The following CHAF1A variants were observed in gnomAD, a reference collection of about 807,000 sequenced individuals.
The protein encoded by CHAF1A is CAF-1 subunit A.
CHAF1A carries 5 observed loss-of-function variants against 93.2 expected under a neutral mutation model. The observed-to-expected ratio is 0.05, with a 90% CI of 0.03 to 0.11. CHAF1A has a LOEUF of 0.11. Ranked by LOEUF, CHAF1A falls within the 10% of genes least tolerant of loss-of-function variation. The pLI is 1.00. For synonymous variants in CHAF1A, 504 were observed against 510.3 expected (o/e 0.99, Z 0.17); for missense variants, 1,102 against 1,259.9 (o/e 0.87, Z 1.90).
At position 4,423,845 on chromosome 19, in the gene CHAF1A, C is replaced by A; in HGVS notation, c.1348C>A (p.Gln450Lys). 6.2e-7 allele frequency: 1 copy of A among 1,614,126 alleles called. No individual in the cohort carries two copies. Among genetic ancestry groups the A allele is most frequent in the Non-Finnish European group, 8.5e-7 (1 of 1,179,980 alleles). The stretch of plus-strand genomic sequence containing the variant: ...GAAGGCCGAAATCACGAGGTTCTTC[C>A]AGAAACCAAAGACTCCACAGGCCCC... Reference protein sequence around the residue: ...AEKAEITRFFQKPKTPQAPKT... With the variant: ...AEKAEITRFFKKPKTPQAPKT... The change falls in exon 7 of 15, where the codon CAG becomes AAG. Residue 450 changes from glutamine to lysine, a missense_variant. This residue lies in a region of CHAF1A where 165 missense variants were observed against 243.9 expected (regional missense o/e 0.68). Coordinates refer to ENST00000301280, the MANE Select transcript of CHAF1A (RefSeq NM_005483.3).
rs192396725 is a variant in CHAF1A at position 4,434,208 on chromosome 19, C to T, written c.2673+669C>T. Among the ~76,000 whole-genome samples the T allele has an allele frequency of 3.3e-5, 5 of 152,096 alleles. No individual in the cohort carries two copies. The East Asian group carries it at 7.8e-4, about 24-fold the overall frequency. ...AGAAAAAATTTTTAGATTAGCCAAG[C>T]GGTGGCATGCACCTGTAGTCTCAGC... On this transcript the variant is annotated intron_variant, in intron 13 of 14. Coordinates refer to ENST00000301280, the MANE Select transcript of CHAF1A (RefSeq NM_005483.3).
At chr19:4,429,330 G>T in intron 8 of CHAF1A, 108 bp from the exon 9 acceptor site, 3 of 1,268,984 alleles carry the variant, frequency 2.4e-6, no homozygotes, top group Non-Finnish European at 2.2e-6. Flanking sequence ...TTTAACAAAT[G>T]CCCATCTTTC....
intron 6 of CHAF1A, 26 bp from the exon 7 acceptor site, chr19:4,423,778 TTC>T (rs1200488553): frequency 6.2e-7 from 1 of 1,607,342 alleles, no homozygotes. Context: ...CCTCTCCTCT[TTC>T]TCATCACCAT....
chr19:4,436,088 G>A (rs191073561), intron 13 of CHAF1A, among the ~76,000 whole-genome samples: 8 of 151,802 alleles, frequency 5.3e-5, no homozygotes, highest in East Asian at 1.9e-4. Context: ...GCAGTGAGCC[G>A]AGACCACACC....
intron 4 of CHAF1A, among the ~76,000 whole-genome samples, chr19:4,419,785 C>A (rs1242526823): frequency 6.6e-6 from 1 of 152,168 alleles, no homozygotes; most frequent in Non-Finnish European, 1.5e-5. Flanking sequence ...ACTTTTAAAG[C>A]TCATTGGAAC....
At chr19:4,434,804 A>G (rs1013140013) in intron 13 of CHAF1A, among the ~76,000 whole-genome samples, 1 of 152,152 alleles carries the variant, frequency 6.6e-6, no homozygotes, top group Non-Finnish European at 1.5e-5. Flanking sequence ...AGACACAGGT[A>G]TATGCAGAAC....
At chr19:4,424,244 G>A (rs1974041433) in intron 7 of CHAF1A, among the ~76,000 whole-genome samples, 1 of 152,136 alleles carries the variant, frequency 6.6e-6, no homozygotes. Flanking sequence ...TCCCTGCCTG[G>A]CGTCGGTCAC....
chr19:4,448,017 G>A (rs545531999), downstream of CHAF1A: 72 of 526,012 alleles, frequency 1.4e-4, 1 homozygote, highest in South Asian at 1.2e-3. Context: ...GCCTGCCCCC[G>A]ATCCTGAGAC....
At chr19:4,403,469 C>T (rs779863254) in intron 1 of CHAF1A, among the ~76,000 whole-genome samples, 1 of 152,248 alleles carries the variant, frequency 6.6e-6, no homozygotes, top group African/African-American at 2.4e-5. Flanking sequence ...CATTACATAA[C>T]GCTTTGGCAG....
intron 1 of CHAF1A, among the ~76,000 whole-genome samples, chr19:4,404,825 A>C (rs1448259766): frequency 1.5e-5 from 2 of 131,558 alleles, no homozygotes; most frequent in African/African-American, 2.8e-5. Context: ...TCACTGCTGC[A>C]TCTGCTTTGA....
Position 4,422,166 on chromosome 19 carries a change from C to T in CHAF1A, c.1018-400C>T, listed in dbSNP as rs994353572. Among the ~76,000 whole-genome samples, 2 of 152,148 alleles carry T rather than the reference C, an allele frequency of 1.3e-5. No homozygotes were observed. Among genetic ancestry groups the T allele is most frequent in the African/African-American group, 2.4e-5 (1 of 41,414 alleles). On this transcript the variant is annotated intron_variant, in intron 4 of 14. Coordinates refer to ENST00000301280, the MANE Select transcript of CHAF1A (RefSeq NM_005483.3). The surrounding 1 kb of genome is among the most constrained non-coding windows in gnomAD (Gnocchi z 4.6). ...CTGGGATTACAGGCGCCCACCATGC[C>T]TGGCTAGTTTTTTTTAAAAATATTT...
chr19:4,433,427 G>A lies in CHAF1A; in HGVS notation c.2561G>A (p.Gly854Asp), dbSNP rs543458256. The A allele has an allele frequency of 6.2e-7, 1 of 1,610,490 alleles. No individual in the cohort carries two copies. Among genetic ancestry groups the A allele is most frequent in the African/African-American group, 1.3e-5 (1 of 74,982 alleles). ...SVPSAPKEDS[G>D]SVPSTGPSQG... The stretch of plus-strand genomic sequence containing the variant: ...CCCTCGGCCCCCAAAGAGGACAGTG[G>A]CAGCGTCCCCTCCACGGGGCCCAGC... The change falls in exon 13 of 15, where the codon GGC becomes GAC. Residue 854 changes from glycine to aspartate, a missense_variant. Transcript: ENST00000301280. The surrounding 1 kb of genome is among the most constrained non-coding windows in gnomAD (Gnocchi z 5.6).
chr19:4,418,675 A>C (rs1973937744), intron 4 of CHAF1A, among the ~76,000 whole-genome samples: 1 of 152,028 alleles, frequency 6.6e-6, no homozygotes. Flanking sequence ...TCGGCCTCCC[A>C]GAGTGCTGGG....
chr19:4,419,325 C>T (rs567257111), intron 4 of CHAF1A, among the ~76,000 whole-genome samples: 25 of 152,260 alleles, frequency 1.6e-4, no homozygotes, highest in African/African-American at 5.5e-4. Context: ...ATGGGCTCTG[C>T]GTTTACTGAG....
downstream of CHAF1A, chr19:4,447,209 G>A: frequency 1.7e-6 from 1 of 579,136 alleles, no homozygotes; most frequent in Non-Finnish European, 3.1e-6. Flanking sequence ...CACCGCCCAG[G>A]ACCCCAGTCC....
chr19:4,411,644 C>CTTTTTTTTTGTTTTTTTTTTT (rs1973802371), intron 3 of CHAF1A, among the ~76,000 whole-genome samples: 1 of 48,204 alleles, frequency 2.1e-5, no homozygotes, highest in Admixed American at 2.5e-4. Flanking sequence ...TGGTGCAAAT[C>CTTTTTTTTTGTTTTTTTTTTT]TTTTTTTTTT....
At position 4,433,193 on chromosome 19, in the gene CHAF1A, C is replaced by T; in HGVS notation, c.2327C>T (p.Pro776Leu). 6.2e-7 allele frequency: 1 copy of T among 1,613,794 alleles called. No individual in the cohort carries two copies. Among genetic ancestry groups the T allele is most frequent in the Non-Finnish European group, 8.5e-7 (1 of 1,179,934 alleles). The change falls in exon 13 of 15, where the codon CCC (proline) becomes CTC (leucine). Residue 776 changes from proline to leucine, a missense_variant. Physicochemically the swap from Pro to Leu is moderately conservative, Grantham distance 98. Around this residue, in one of 6 missense-constraint regions of CHAF1A, gnomAD observed 335 missense variants for 361.9 expected, o/e 0.93. Transcript: ENST00000301280. This position sits in a 1 kb window ranked among gnomAD's most constrained non-coding sequence, Gnocchi z 5.6. ...LSNHTGSPRS[P>L]STTYLHTPTP... ...AACCACACCGGCAGCCCGCGGAGCCCCTCCACCACCTACCTGCACACCCCC... is the reference window on the plus strand; with the variant it reads ...AACCACACCGGCAGCCCGCGGAGCCTCTCCACCACCTACCTGCACACCCCC...
chr19:4,440,200 T>TG (rs1382595290), intron 13 of CHAF1A, among the ~76,000 whole-genome samples: 1 of 152,186 alleles, frequency 6.6e-6, no homozygotes, highest in East Asian at 1.9e-4. Context: ...CTGTCTGTCC[T>TG]GGGATGGGCT....
At chr19:4,414,969 C>G (rs546485805) in intron 3 of CHAF1A, among the ~76,000 whole-genome samples, 1 of 152,118 alleles carries the variant, frequency 6.6e-6, no homozygotes, top group East Asian at 1.9e-4. Context: ...AGTATAAAAT[C>G]AGAGTCCATA....
Sources: allele counts gnomAD v4.1 joint callset (sites outside exome capture counted in the v4.1 genomes callset), GRCh38; gene constraint gnomAD v4.1.1; regional missense constraint gnomAD v4.1.1; non-coding constraint Gnocchi (gnomAD v3.1); transcripts MANE v1.5; gene names NCBI Gene and HGNC (gene_info 2026-07-23, HGNC 2026-07-21).